DCC: variants seen among roughly 807,000 people sequenced by gnomAD.
DCC encodes the protein DCC netrin 1 receptor.
Under a neutral mutation model 172.5 loss-of-function variants are expected in DCC, and 58 were observed. The ratio of observed to expected loss-of-function variants is 0.34; its 90% confidence interval spans 0.27 to 0.42. DCC has a LOEUF of 0.42. Among genes scored for constraint, DCC ranks in the 10% least tolerant of loss-of-function variants. DCC has a pLI of 1.00. For synonymous variants in DCC, 709 were observed against 644.5 expected (o/e 1.10, Z -1.52); for missense variants, 1,740 against 1,791.0 (o/e 0.97, Z 0.51).
chr18:53,379,391 A>C (rs758165377), intron 15 of DCC, among the ~76,000 whole-genome samples: 18 of 152,270 alleles, frequency 1.2e-4, no homozygotes, highest in Non-Finnish European at 1.9e-4. Flanking sequence ...CTGGCATTTA[A>C]TTCACACAAA....
At chr18:52,905,754 A>G (rs1375013739) in intron 2 of DCC, among the ~76,000 whole-genome samples, 2 of 152,150 alleles carry the variant, frequency 1.3e-5, no homozygotes, top group Admixed American at 1.3e-4. Context: ...TTCCTTATCT[A>G]TAAAATTAGG....
chr18:53,047,382 T>C (rs2042263140), intron 5 of DCC, among the ~76,000 whole-genome samples: 1 of 124,896 alleles, frequency 8.0e-6, no homozygotes, highest in Non-Finnish European at 1.7e-5. Context: ...ATATACTTTA[T>C]ATATTATATA....
chr18:52,953,031 C>G (rs139290634), intron 5 of DCC, among the ~76,000 whole-genome samples: 5,683 of 102,888 alleles, frequency 0.055, 175 homozygotes, highest in Non-Finnish European at 0.086. Context: ...AAAAAAAACT[C>G]ATAACATTGC....
In DCC at chr18:52,547,446, G is replaced by C. The variant is rs549906221; in HGVS notation, c.92-204608G>C. On this transcript the variant is annotated intron_variant, in intron 1 of 28. Transcript: ENST00000442544. ...TTTGAATGTGTACCTGCATTCAATA[G>C]CTATTTAGTGAGTTCCTATTGGTAA... Among the ~76,000 whole-genome samples the C allele has an allele frequency of 3.9e-5, 6 of 152,210 alleles. No individual in the cohort carries two copies. The South Asian group carries it at 1.2e-3, about 32-fold the overall frequency.
At chr18:52,748,238 C>A (rs1470148737) in intron 1 of DCC, among the ~76,000 whole-genome samples, 1 of 152,206 alleles carries the variant, frequency 6.6e-6, no homozygotes, top group East Asian at 1.9e-4. Flanking sequence ...ATACTGCAAG[C>A]AAATTCTGCC....
chr18:53,324,331 A>G (rs1370623959), intron 14 of DCC, among the ~76,000 whole-genome samples: 2 of 152,186 alleles, frequency 1.3e-5, no homozygotes, highest in Non-Finnish European at 2.9e-5. Flanking sequence ...TTCAACTTAC[A>G]TTTCTTATTA....
chr18:53,189,222 T>A (rs569107482), intron 9 of DCC, among the ~76,000 whole-genome samples: 1 of 152,038 alleles, frequency 6.6e-6, no homozygotes, highest in Non-Finnish European at 1.5e-5. Context: ...TATGTGTATA[T>A]GTATATATGT....
At chr18:53,166,356 G>A (rs1339991926) in intron 8 of DCC, among the ~76,000 whole-genome samples, 2 of 152,100 alleles carry the variant, frequency 1.3e-5, no homozygotes, top group East Asian at 1.9e-4. Context: ...CGTGGAAATA[G>A]GAATCTGGAG....
chr18:52,807,120 G>A (rs181015380), intron 2 of DCC, among the ~76,000 whole-genome samples: 15 of 152,302 alleles, frequency 9.8e-5, no homozygotes, highest in African/African-American at 1.9e-4. Flanking sequence ...GCTTGAGCGC[G>A]GGAGGTGGAG....
intron 1 of DCC, among the ~76,000 whole-genome samples, chr18:52,626,856 C>T (rs1163507810): frequency 6.6e-6 from 1 of 152,104 alleles, no homozygotes; most frequent in East Asian, 1.9e-4. Context: ...TAGTTAGATG[C>T]ATATATGATA....
At chr18:52,885,681 A>G (rs2039558569) in intron 2 of DCC, among the ~76,000 whole-genome samples, 1 of 152,118 alleles carries the variant, frequency 6.6e-6, no homozygotes, top group African/African-American at 2.4e-5. Flanking sequence ...CCTAAAGTGC[A>G]AGACAAAGTC....
At chr18:53,173,455 T>C (rs2144452839) in intron 8 of DCC, among the ~76,000 whole-genome samples, 1 of 152,266 alleles carries the variant, frequency 6.6e-6, no homozygotes, top group East Asian at 1.9e-4. Context: ...CTTGTTGTGC[T>C]ACCATCACCA....
At chr18:52,586,923 A>G (rs2033687077) in intron 1 of DCC, among the ~76,000 whole-genome samples, 1 of 152,178 alleles carries the variant, frequency 6.6e-6, no homozygotes, top group South Asian at 2.1e-4. Context: ...GCCCACTGCT[A>G]CACTTCTTTA....
chr18:52,968,105 A>T (rs1383245404), intron 5 of DCC, among the ~76,000 whole-genome samples: 1 of 152,188 alleles, frequency 6.6e-6, no homozygotes, highest in Non-Finnish European at 1.5e-5. Flanking sequence ...TCCAAGAATT[A>T]GAATAGATTT....
chr18:52,800,640 T>C (rs1486222583), intron 2 of DCC, among the ~76,000 whole-genome samples: 1 of 151,598 alleles, frequency 6.6e-6, no homozygotes, highest in East Asian at 1.9e-4. Context: ...CAAACAGATG[T>C]TGCATACTTA....
intron 18 of DCC, among the ~76,000 whole-genome samples, chr18:53,402,478 A>G (rs1909368106): frequency 6.6e-6 from 1 of 152,148 alleles, no homozygotes; most frequent in East Asian, 1.9e-4. Flanking sequence ...CTTCATTCTT[A>G]TAATGATTCT....
At chr18:53,025,560 G>A (rs1056557593) in intron 5 of DCC, among the ~76,000 whole-genome samples, 1 of 152,034 alleles carries the variant, frequency 6.6e-6, no homozygotes, top group Admixed American at 6.6e-5. Context: ...GTAGTTTAAT[G>A]CCAATCCTTA....
chr18:52,742,117 C>A (rs1399582269), intron 1 of DCC, among the ~76,000 whole-genome samples: 1 of 152,188 alleles, frequency 6.6e-6, no homozygotes, highest in Non-Finnish European at 1.5e-5. Context: ...GAGAATGGGA[C>A]CTGCCTTGCT....
At chr18:53,170,576 A>T (rs1319463175) in intron 8 of DCC, among the ~76,000 whole-genome samples, 1 of 152,142 alleles carries the variant, frequency 6.6e-6, no homozygotes, top group Admixed American at 6.5e-5. Context: ...GACGCAATAG[A>T]TTTATTTCTT....
Sources: allele counts gnomAD v4.1 joint callset (sites outside exome capture counted in the v4.1 genomes callset), GRCh38; gene constraint gnomAD v4.1.1; transcripts MANE v1.5; gene names NCBI Gene and HGNC (gene_info 2026-07-23, HGNC 2026-07-21).